The following SETBP1 variants were observed in gnomAD, a reference collection of about 807,000 sequenced individuals.
The protein encoded by SETBP1 is SET binding protein 1.
In SETBP1, 9 loss-of-function variants were observed where a neutral mutation model predicts 101.0. The observed-to-expected ratio is 0.09, with a 90% CI of 0.05 to 0.16. The LOEUF is 0.16. Ranked by LOEUF, SETBP1 falls within the 10% of genes least tolerant of loss-of-function variation. The pLI, the probability that SETBP1 is intolerant of heterozygous loss-of-function variation, is 1.00. For missense variants in SETBP1, 1,858 were observed against 2,033.8 expected, an observed-to-expected ratio of 0.91 and a Z score of 1.66; for synonymous variants, 818 against 788.5, an observed-to-expected ratio of 1.04 and a Z score of -0.63.
chr18:44,870,153 G>A (rs1228823547), intron 3 of SETBP1: 2 of 152,220 alleles, frequency 1.3e-5, no homozygotes, highest in African/African-American at 4.8e-5. Context: ...TAACGGCAGC[G>A]AACTTCCAGG....
chr18:44,991,068 C>T (rs774492938), intron 4 of SETBP1, among the ~76,000 whole-genome samples: 4 of 151,150 alleles, frequency 2.6e-5, no homozygotes, highest in Non-Finnish European at 4.4e-5. Flanking sequence ...ATAGTGAAAC[C>T]GTGTCTCTAC....
At chr18:44,843,880 A>G (rs2072671415) in intron 2 of SETBP1, among the ~76,000 whole-genome samples, 1 of 152,190 alleles carries the variant, frequency 6.6e-6, no homozygotes, top group Non-Finnish European at 1.5e-5. Flanking sequence ...CTCCACAGGC[A>G]TCTTTATCAG....
chr18:44,750,210 A>G (rs1195379737), intron 2 of SETBP1, among the ~76,000 whole-genome samples: 2 of 152,202 alleles, frequency 1.3e-5, no homozygotes, highest in Admixed American at 6.5e-5. Flanking sequence ...ACAGACATGT[A>G]TTTCCCACAG....
chr18:44,893,179 G>A (rs796479526), intron 3 of SETBP1, among the ~76,000 whole-genome samples: 12 of 152,086 alleles, frequency 7.9e-5, no homozygotes, highest in African/African-American at 2.7e-4. Context: ...TCTTAAGAAC[G>A]AGCAACCTAC....
chr18:44,983,649 G>A (rs1599409076), intron 4 of SETBP1, among the ~76,000 whole-genome samples: 1 of 152,160 alleles, frequency 6.6e-6, no homozygotes, highest in Non-Finnish European at 1.5e-5. Context: ...CACCAGAAAT[G>A]GTAATCAGCT....
chr18:44,835,175 C>T (rs1219381908), intron 2 of SETBP1, among the ~76,000 whole-genome samples: 1 of 152,102 alleles, frequency 6.6e-6, no homozygotes, highest in African/African-American at 2.4e-5. Flanking sequence ...AGCACAGGGT[C>T]AGGTCACAGA....
At chr18:44,842,116 C>G (rs1022100195) in intron 2 of SETBP1, among the ~76,000 whole-genome samples, 1 of 152,070 alleles carries the variant, frequency 6.6e-6, no homozygotes, top group South Asian at 2.1e-4. Context: ...AAGAAGAGAG[C>G]GAGGAAGTAG....
chr18:44,840,494 C>A (rs1599203971), intron 2 of SETBP1, among the ~76,000 whole-genome samples: 1 of 152,354 alleles, frequency 6.6e-6, no homozygotes, highest in African/African-American at 2.4e-5. Context: ...CACCTCAGGT[C>A]TGGGCTGTTT....
intron 2 of SETBP1, among the ~76,000 whole-genome samples, chr18:44,824,533 A>G (rs981137834): frequency 6.6e-6 from 1 of 152,154 alleles, no homozygotes; most frequent in Admixed American, 6.5e-5. Context: ...TAAATGCTCC[A>G]AAGGTATTTG....
At chr18:44,933,090 A>G (rs866124261) in intron 3 of SETBP1, among the ~76,000 whole-genome samples, 1 of 152,048 alleles carries the variant, frequency 6.6e-6, no homozygotes, top group African/African-American at 2.4e-5. Flanking sequence ...GGTTTTATCT[A>G]CCTTTGGTCT....
chr18:44,926,433 G>A (rs1229560363), intron 3 of SETBP1, among the ~76,000 whole-genome samples: 3 of 152,196 alleles, frequency 2.0e-5, no homozygotes, highest in East Asian at 1.9e-4. Flanking sequence ...TCATCAGGAA[G>A]TGCCGCAGAA....
chr18:45,019,189 GA>G (rs1238922180), intron 4 of SETBP1, among the ~76,000 whole-genome samples: 2 of 152,102 alleles, frequency 1.3e-5, no homozygotes, highest in Admixed American at 6.5e-5. Context: ...TAACTTTGAT[GA>G]TTTTAAAAAT....
intron 1 of SETBP1, among the ~76,000 whole-genome samples, chr18:44,699,369 C>T (rs1032738669): frequency 6.6e-6 from 1 of 152,190 alleles, no homozygotes; most frequent in African/African-American, 2.4e-5. Context: ...ATGTCTCCAA[C>T]AGCTGGGGTG....
At chr18:44,874,002 G>A (rs1013879653) in intron 3 of SETBP1, among the ~76,000 whole-genome samples, 1 of 152,164 alleles carries the variant, frequency 6.6e-6, no homozygotes, top group African/African-American at 2.4e-5. Flanking sequence ...TTGACAGTCA[G>A]CTCTGCACCC....
chr18:45,054,809 G>A (rs375647945), intron 5 of SETBP1, among the ~76,000 whole-genome samples: 15 of 152,226 alleles, frequency 9.9e-5, no homozygotes, highest in East Asian at 3.9e-4. Context: ...TGTCTAACCC[G>A]TGGGCCCATG....
chr18:44,813,803 C>T (rs925040992), intron 2 of SETBP1, among the ~76,000 whole-genome samples: 2 of 152,154 alleles, frequency 1.3e-5, no homozygotes, highest in African/African-American at 4.8e-5. Flanking sequence ...CCCTCAGGTT[C>T]CTCGGAATGC....
intron 3 of SETBP1, among the ~76,000 whole-genome samples, chr18:44,919,935 C>T (rs1343234659): frequency 1.3e-5 from 2 of 152,112 alleles, no homozygotes; most frequent in African/African-American, 4.8e-5. Flanking sequence ...GTTTTCCTAT[C>T]TCCTTTCTCC....
chr18:44,970,857 G>C (rs187697602), intron 4 of SETBP1, among the ~76,000 whole-genome samples: 19 of 151,590 alleles, frequency 1.3e-4, no homozygotes, highest in South Asian at 4.2e-4. Context: ...GGCTGGGCTT[G>C]TTTTCTTTTC....
chr18:44,777,130 A>G (rs1051696898), intron 2 of SETBP1, among the ~76,000 whole-genome samples: 2 of 152,124 alleles, frequency 1.3e-5, no homozygotes, highest in Non-Finnish European at 2.9e-5. Context: ...AACCTGCACA[A>G]CATAGTGAGA....
Sources: gnomAD v4.1 joint callset for allele counts (sites outside exome capture counted in the v4.1 genomes callset) on GRCh38, gnomAD v4.1.1 for gene constraint, MANE v1.5 for transcripts, NCBI Gene and HGNC (gene_info 2026-07-23, HGNC 2026-07-21) for gene names.